HDAC8: variants seen among roughly 807,000 people sequenced by gnomAD.
HDAC8 encodes histone deacetylase 8.
Under a neutral mutation model 32.2 loss-of-function variants are expected in HDAC8, and 1 was observed. The ratio of observed to expected loss-of-function variants is 0.03; its 90% confidence interval spans 0.01 to 0.15. The LOEUF is 0.15. Ranked by LOEUF, HDAC8 falls within the 10% of genes least tolerant of loss-of-function variation. The pLI, the probability that HDAC8 is intolerant of heterozygous loss-of-function variation, is 1.00. For synonymous variants in HDAC8, 108 were observed against 113.9 expected (o/e 0.95, Z 0.33); for missense variants, 117 against 300.0 (o/e 0.39, Z 4.51).
At chrX:72,506,717 C>T (rs914575241) in intron 4 of HDAC8, among the ~76,000 whole-genome samples, 8 of 111,359 alleles carry the variant, frequency 7.2e-5, no homozygotes, top group Non-Finnish European at 1.1e-4. Flanking sequence ...AACAACATTG[C>T]CAAGAGTACC....
intron 10 of HDAC8, among the ~76,000 whole-genome samples, chrX:72,331,786 C>G (rs1158240110): frequency 8.9e-6 from 1 of 112,283 alleles, no homozygotes; most frequent in Non-Finnish European, 1.9e-5. Flanking sequence ...TTTACAAGCA[C>G]TCATTTGTGT....
intron 6 of HDAC8, among the ~76,000 whole-genome samples, chrX:72,490,239 C>A (rs1418523896): frequency 7.2e-5 from 8 of 110,443 alleles, no homozygotes; most frequent in Non-Finnish European, 1.1e-4. Context: ...TTGACCCAGC[C>A]ATCCCATTAC....
At chrX:72,459,300 G>A (rs782307013) in intron 9 of HDAC8, among the ~76,000 whole-genome samples, 54 of 111,452 alleles carry the variant, frequency 4.8e-4, no homozygotes, top group African/African-American at 1.7e-3. Context: ...AGGAATAAAT[G>A]AACGTGAAGG....
intron 10 of HDAC8, among the ~76,000 whole-genome samples, chrX:72,347,729 T>G (rs1555947458): frequency 8.9e-6 from 1 of 111,883 alleles, no homozygotes; most frequent in African/African-American, 3.3e-5. Context: ...TCCTCTGGAG[T>G]ACATTCACCA....
Position 72,473,833 on chromosome X carries a change from G to A in HDAC8, c.738-9102C>T. 4.0e-6 allele frequency: 3 copies of A among 754,399 alleles called. No individual in the cohort carries two copies. The South Asian group carries it at 2.0e-4, about 51-fold the overall frequency. 62.2% of individuals were successfully genotyped at this position (754,399 alleles called of 1,213,427 possible). On this transcript the variant is annotated intron_variant, in intron 7 of 10. Transcript: ENST00000373573. ...ATTCCCTCATTCTAAAACCTTCAGT[G>A]GCTCCCAAAATGTTTACAGAATATG...
chrX:72,428,507 C>T (rs938983515), intron 9 of HDAC8, among the ~76,000 whole-genome samples: 2 of 111,932 alleles, frequency 1.8e-5, no homozygotes, highest in African/African-American at 3.3e-5. Context: ...AACTAATGAA[C>T]CAACAAGGGA....
chrX:72,358,301 A>T (rs1385881511), intron 9 of HDAC8, among the ~76,000 whole-genome samples: 1 of 111,533 alleles, frequency 9.0e-6, no homozygotes, highest in Non-Finnish European at 1.9e-5. Flanking sequence ...TAAGTTAAGA[A>T]CTTTCACCTT....
intron 9 of HDAC8, among the ~76,000 whole-genome samples, chrX:72,393,542 A>G (rs782000749): frequency 3.6e-5 from 4 of 111,866 alleles, no homozygotes; most frequent in Non-Finnish European, 5.6e-5. Flanking sequence ...AGGTCTCGCT[A>G]CGTCCCTCAG....
chrX:72,346,108 A>G (rs965917110), intron 10 of HDAC8, among the ~76,000 whole-genome samples: 1 of 112,111 alleles, frequency 8.9e-6, no homozygotes, highest in Non-Finnish European at 1.9e-5. Context: ...GAAAGAGAGG[A>G]ACTTGCTTGA....
At chrX:72,441,804 G>A (rs1602861001) in intron 9 of HDAC8, among the ~76,000 whole-genome samples, 1 of 111,630 alleles carries the variant, frequency 9.0e-6, no homozygotes, top group Admixed American at 9.5e-5. Flanking sequence ...TTAGACGAAT[G>A]TATAACTAGA....
chrX:72,366,754 T>C (rs1315893369), intron 9 of HDAC8, among the ~76,000 whole-genome samples: 1 of 111,538 alleles, frequency 9.0e-6, no homozygotes, highest in Non-Finnish European at 1.9e-5. Context: ...ACATGAGAGA[T>C]GCATACAAAA....
chrX:72,408,796 C>A (rs948207455), intron 9 of HDAC8, among the ~76,000 whole-genome samples: 4 of 111,249 alleles, frequency 3.6e-5, no homozygotes, highest in African/African-American at 6.6e-5. Flanking sequence ...GCAAGAAGGG[C>A]CTATGTGGTT....
intron 9 of HDAC8, among the ~76,000 whole-genome samples, chrX:72,387,901 G>A (rs1166544887): frequency 2.7e-5 from 3 of 110,924 alleles, no homozygotes; most frequent in Middle Eastern, 4.2e-3. Flanking sequence ...TTAACTATGT[G>A]TGTCAGATAT....
chrX:72,483,238 T>C (rs1406715110), intron 7 of HDAC8, among the ~76,000 whole-genome samples: 1 of 111,678 alleles, frequency 9.0e-6, no homozygotes, highest in Non-Finnish European at 1.9e-5. Flanking sequence ...TGAATGTGTG[T>C]CCTTTCCAAA....
chrX:72,517,454 A>G (rs1375745019), intron 4 of HDAC8, among the ~76,000 whole-genome samples: 1 of 110,532 alleles, frequency 9.0e-6, no homozygotes, highest in Non-Finnish European at 1.9e-5. Context: ...ATTTATCTAT[A>G]TTTTCTTTTT....
intron 7 of HDAC8, among the ~76,000 whole-genome samples, chrX:72,482,602 T>TG (rs72385401): frequency 1.1e-3 from 115 of 107,110 alleles, no homozygotes; most frequent in South Asian, 2.4e-3. Flanking sequence ...GTTTCTATTT[T>TG]GGGGGGGGGG....
chrX:72,356,915 G>T (rs1209686038), intron 9 of HDAC8, among the ~76,000 whole-genome samples: 1 of 110,691 alleles, frequency 9.0e-6, no homozygotes, highest in Admixed American at 9.7e-5. Context: ...GGAATGAAGA[G>T]ATCAGCTGTG....
intron 4 of HDAC8, among the ~76,000 whole-genome samples, chrX:72,517,465 T>G (rs191469328): frequency 8.9e-6 from 1 of 111,900 alleles, no homozygotes; most frequent in East Asian, 2.8e-4. Flanking sequence ...TTTTCTTTTT[T>G]TTTGTACTTT....
At chrX:72,354,567 C>G (rs1271158668) in intron 9 of HDAC8, among the ~76,000 whole-genome samples, 1 of 112,292 alleles carries the variant, frequency 8.9e-6, no homozygotes, top group Middle Eastern at 4.2e-3. Context: ...TTTCTAGACT[C>G]TTGAGGCAGC....
Sources: allele counts gnomAD v4.1 joint callset (sites outside exome capture counted in the v4.1 genomes callset), GRCh38; gene constraint gnomAD v4.1.1; transcripts MANE v1.5; gene names NCBI Gene and HGNC (gene_info 2026-07-23, HGNC 2026-07-21).